CNTNAP2: variants seen among roughly 807,000 people sequenced by gnomAD.
The protein encoded by CNTNAP2 is contactin associated protein 2.
In CNTNAP2, 98 loss-of-function variants were observed where a neutral mutation model predicts 155.2. That is an observed-to-expected ratio of 0.63 (90% CI 0.54 to 0.75). The LOEUF is 0.75. Ranked by LOEUF, CNTNAP2 falls within the 30% of genes least tolerant of loss-of-function variation. The pLI is 0.00. For missense variants in CNTNAP2, 1,727 were observed against 1,688.1 expected (o/e 1.02, Z -0.40); for synonymous variants, 651 against 631.2 (o/e 1.03, Z -0.47).
chr7:146,331,627 C>T (rs1374383296), intron 1 of CNTNAP2, among the ~76,000 whole-genome samples: 1 of 152,182 alleles, frequency 6.6e-6, no homozygotes, highest in African/African-American at 2.4e-5. Context: ...GCTGATTGGC[C>T]TCAGAGCCAG....
chr7:146,530,409 T>A (rs1391070084), intron 1 of CNTNAP2, among the ~76,000 whole-genome samples: 1 of 151,768 alleles, frequency 6.6e-6, no homozygotes, highest in Non-Finnish European at 1.5e-5. Context: ...GATCTTTTAT[T>A]CAGGGGAAAA....
rs115671610 is a variant in CNTNAP2, at chr7:148,107,426, T to C, written c.2384-10692T>C. Among the ~76,000 whole-genome samples, 1,379 of 152,316 alleles carry C rather than the reference T, an allele frequency of 9.1e-3. 26 individuals carry two copies. Among genetic ancestry groups the C allele is most frequent in the African/African-American group, 0.032 (1,317 of 41,568 alleles). On this transcript the variant is annotated intron_variant, in intron 15 of 23. Coordinates refer to ENST00000361727, the MANE Select transcript of CNTNAP2 (RefSeq NM_014141.6). ...AACTTGTCCTCTGATCATTTTGTGT[T>C]GCAGCCGTGAAACAGGCTTGCTGGA...
At chr7:147,228,431 G>A (rs1309258514) in intron 8 of CNTNAP2, among the ~76,000 whole-genome samples, 1 of 152,122 alleles carries the variant, frequency 6.6e-6, no homozygotes, top group Non-Finnish European at 1.5e-5. Context: ...GGGGCTATAA[G>A]ATCTGGTGCA....
chr7:147,964,923 G>T (rs765171158), intron 14 of CNTNAP2, among the ~76,000 whole-genome samples: 6 of 152,196 alleles, frequency 3.9e-5, no homozygotes, highest in Non-Finnish European at 8.8e-5. Flanking sequence ...CAAATATCCA[G>T]CTGGCTGGAG....
intron 1 of CNTNAP2, among the ~76,000 whole-genome samples, chr7:146,583,032 G>A (rs189951846): frequency 2.0e-5 from 3 of 152,014 alleles, no homozygotes; most frequent in African/African-American, 4.8e-5. Context: ...CTTGGAGATG[G>A]TTATCTTGTA....
intron 13 of CNTNAP2, among the ~76,000 whole-genome samples, chr7:147,880,528 G>C (rs1799501689): frequency 6.6e-6 from 1 of 151,648 alleles, no homozygotes; most frequent in South Asian, 2.1e-4. Context: ...ATATGGATGA[G>C]ACAGCACAGA....
intron 8 of CNTNAP2, among the ~76,000 whole-genome samples, chr7:147,263,317 T>C (rs924293495): frequency 2.0e-5 from 3 of 151,632 alleles, no homozygotes; most frequent in Admixed American, 6.6e-5. Flanking sequence ...GCTGTGATCA[T>C]GCCGCTGTCC....
At chr7:147,622,124 C>T (rs531064476) in intron 12 of CNTNAP2, among the ~76,000 whole-genome samples, 26 of 151,804 alleles carry the variant, frequency 1.7e-4, no homozygotes, top group South Asian at 1.7e-3. Context: ...AGTGGAGTAC[C>T]GCGATATATA....
chr7:147,457,591 C>T (rs954075212), intron 10 of CNTNAP2, among the ~76,000 whole-genome samples: 3 of 151,260 alleles, frequency 2.0e-5, no homozygotes, highest in Admixed American at 6.6e-5. Flanking sequence ...ATATTCCCTT[C>T]GCTGTTGCAT....
rs1440027043 is a variant in CNTNAP2, at chr7:147,128,808, G to A, written c.1055G>A (p.Arg352Lys). 6.2e-7 allele frequency: 1 copy of A among 1,614,034 alleles called. No homozygotes were observed. Among genetic ancestry groups the A allele is most frequent in the South Asian group, 1.1e-5 (1 of 91,086 alleles). ...GGCGTCAACATTACTGATCTTGCCA[G>A]AAGGAAGAAATTAGAGCCCTCAAAT... ...YNGVNITDLARRKKLEPSNVG... is the reference protein window; with the variant it reads ...YNGVNITDLAKRKKLEPSNVG... The change falls in exon 7 of 24, where the codon AGA becomes AAA. Residue 352 changes from arginine to lysine, a missense_variant. Arg to Lys is a conservative substitution (Grantham distance 26). Coordinates refer to ENST00000361727, the MANE Select transcript of CNTNAP2 (RefSeq NM_014141.6).
At chr7:147,627,781 A>C (rs1317737621) in intron 12 of CNTNAP2, among the ~76,000 whole-genome samples, 1 of 151,682 alleles carries the variant, frequency 6.6e-6, no homozygotes, top group African/African-American at 2.4e-5. Context: ...ATAAAGAAAA[A>C]ACAATCACAA....
At chr7:147,208,803 T>C (rs868265678) in intron 8 of CNTNAP2, among the ~76,000 whole-genome samples, 13 of 152,086 alleles carry the variant, frequency 8.5e-5, no homozygotes, top group Middle Eastern at 3.4e-3. Context: ...AATATTAGGA[T>C]TTGAAAAATA....
At chr7:148,057,571 A>T (rs1803045053) in intron 15 of CNTNAP2, among the ~76,000 whole-genome samples, 1 of 152,210 alleles carries the variant, frequency 6.6e-6, no homozygotes, top group Admixed American at 6.5e-5. Flanking sequence ...ATGTAACATG[A>T]TAGCAGATTA....
chr7:148,177,380 CA>C (rs1475291582), intron 18 of CNTNAP2, among the ~76,000 whole-genome samples: 1 of 152,142 alleles, frequency 6.6e-6, no homozygotes, highest in Non-Finnish European at 1.5e-5. Flanking sequence ...TACACTGCCC[CA>C]AGCCAAGGAA....
At chr7:147,590,338 C>T (rs552013824) in intron 12 of CNTNAP2, among the ~76,000 whole-genome samples, 78 of 152,202 alleles carry the variant, frequency 5.1e-4, no homozygotes, top group Admixed American at 1.6e-3. Context: ...GCATCAAGGG[C>T]GGAAGCAGGT....
intron 3 of CNTNAP2, among the ~76,000 whole-genome samples, chr7:146,947,543 A>G (rs1388437984): frequency 1.7e-4 from 13 of 74,404 alleles, no homozygotes; most frequent in South Asian, 1.4e-3. Context: ...GTGTGTGTGT[A>G]TGTGTGTGTG....
intron 1 of CNTNAP2, among the ~76,000 whole-genome samples, chr7:146,380,837 G>C (rs1170677567): frequency 2.9e-5 from 3 of 104,198 alleles, no homozygotes; most frequent in Non-Finnish European, 5.1e-5. Flanking sequence ...TCTCGCTGTC[G>C]CCCAGGCTGG....
Position 147,018,101 on chromosome 7 carries a change from G to C in CNTNAP2, c.403-25806G>C, listed in dbSNP as rs184872088. Reference sequence around the variant, plus strand: ...TAGAAAATCAGTGTTTTGTAAACAAGTTTGTTAGATAATTCTTCAGTATGA... The same window carrying C: ...TAGAAAATCAGTGTTTTGTAAACAACTTTGTTAGATAATTCTTCAGTATGA... On this transcript the variant is annotated intron_variant, in intron 3 of 23. Coordinates refer to ENST00000361727, the MANE Select transcript of CNTNAP2 (RefSeq NM_014141.6). Among the ~76,000 whole-genome samples the C allele has an allele frequency of 3.3e-5, 5 of 152,166 alleles. No homozygotes were observed. In the East Asian group the frequency reaches 9.7e-4, roughly 29 times the overall value.
chr7:147,394,325 G>T (rs1031299417), intron 9 of CNTNAP2, among the ~76,000 whole-genome samples: 1 of 151,898 alleles, frequency 6.6e-6, no homozygotes, highest in African/African-American at 2.4e-5. Flanking sequence ...CCCAGTCTTG[G>T]CATGTCTTTT....
Sources: allele counts gnomAD v4.1 joint callset (sites outside exome capture counted in the v4.1 genomes callset), GRCh38; gene constraint gnomAD v4.1.1; transcripts MANE v1.5; gene names NCBI Gene and HGNC (gene_info 2026-07-23, HGNC 2026-07-21).